The following ADGRL3 variants were observed in gnomAD, a reference collection of about 807,000 sequenced individuals.
The protein encoded by ADGRL3 is calcium-independent alpha-latrotoxin receptor 3.
ADGRL3 carries 62 observed loss-of-function variants against 153.5 expected under a neutral mutation model. The observed-to-expected ratio is 0.40, with a 90% CI of 0.33 to 0.50. The LOEUF is 0.50. ADGRL3 is among the 20% of genes least tolerant of loss of function. ADGRL3 has a pLI of 0.47. For synonymous variants in ADGRL3, 710 were observed against 672.5 expected, an observed-to-expected ratio of 1.06 and a Z score of -0.86; for missense variants, 1,641 against 1,859.4, an observed-to-expected ratio of 0.88 and a Z score of 2.16.
chr4:61,429,558 G>T (rs982209962), intron 2 of ADGRL3, among the ~76,000 whole-genome samples: 7 of 152,028 alleles, frequency 4.6e-5, no homozygotes, highest in Non-Finnish European at 7.4e-5. Context: ...TAGACTTGGA[G>T]GAAAATGATT....
At chr4:61,439,283 A>G (rs2097498614) in intron 2 of ADGRL3, among the ~76,000 whole-genome samples, 2 of 152,152 alleles carry the variant, frequency 1.3e-5, no homozygotes, top group Admixed American at 1.3e-4. Flanking sequence ...AGAAATTTTT[A>G]TAAGAGTAAA....
chr4:61,397,763 G>A (rs1455120861), intron 2 of ADGRL3, among the ~76,000 whole-genome samples: 1 of 151,948 alleles, frequency 6.6e-6, no homozygotes, highest in Admixed American at 6.6e-5. Context: ...AGGCTGCAAA[G>A]GGTATGTTGA....
intron 8 of ADGRL3, among the ~76,000 whole-genome samples, chr4:61,788,532 C>A (rs1042067765): frequency 9.2e-5 from 14 of 152,144 alleles, no homozygotes; most frequent in Non-Finnish European, 2.1e-4. Context: ...AGAATCTGAA[C>A]AGCAGCCCTT....
rs879573798 is a variant in ADGRL3 at position 61,846,946 on chromosome 4, TTATG to T, written c.1480+33059_1480+33062del. Reference sequence around the variant, plus strand: ...CAAGCCGTGAGGGATATTTTATATATTATGTGTGTGTGTGTGTGTGTGTGTATAT... The same window carrying T: ...CAAGCCGTGAGGGATATTTTATATATTGTGTGTGTGTGTGTGTGTGTATAT... On this transcript the variant is annotated intron_variant, in intron 9 of 26. Transcript: ENST00000683033. Among the ~76,000 whole-genome samples, 13 of 123,912 alleles carry T rather than the reference TTATG, an allele frequency of 1.0e-4. 1 individual carries two copies. The highest frequency in any genetic ancestry group is 6.9e-4 in the South Asian group (3 of 4,338). 81.3% of individuals were successfully genotyped at this position (123,912 alleles called of 152,430 possible).
chr4:61,214,308 A>G (rs759134671), intron 1 of ADGRL3, among the ~76,000 whole-genome samples: 1 of 152,196 alleles, frequency 6.6e-6, no homozygotes, highest in Non-Finnish European at 1.5e-5. Context: ...CCATGTGTCT[A>G]ATATTTCCAT....
rs1747129752 is a variant in ADGRL3 at position 62,076,312 on chromosome 4, C to T, written c.*5404C>T. On this transcript the variant is annotated 3_prime_UTR_variant, in exon 27 of 27. Transcript: ENST00000683033. ...TGTTCTCATTTGATAATTTGTGTCC[C>T]GTTACAGTATTTCAAAGGTAAATGC... 2.6e-5 allele frequency: 4 copies of T among 151,822 alleles called. No homozygotes were observed. The highest frequency in any genetic ancestry group is 2.1e-4 in the South Asian group (1 of 4,828). 9.4% of individuals were successfully genotyped at this position (151,822 alleles called of 1,614,324 possible). A position where few individuals can be genotyped will look rare whatever the true frequency, so the allele number is the denominator to read the frequency against.
chr4:61,210,219 G>T (rs1201028017), intron 1 of ADGRL3, among the ~76,000 whole-genome samples: 6 of 152,154 alleles, frequency 3.9e-5, no homozygotes, highest in African/African-American at 1.4e-4. Flanking sequence ...CATTGGACTG[G>T]ACAACTGGCT....
intron 5 of ADGRL3, among the ~76,000 whole-genome samples, chr4:61,618,293 GT>G: frequency 6.6e-6 from 1 of 152,142 alleles, no homozygotes; most frequent in Non-Finnish European, 1.5e-5. Context: ...ACAGATTATC[GT>G]TAATGCTTGT....
At chr4:61,433,103 A>G (rs2097395994) in intron 2 of ADGRL3, among the ~76,000 whole-genome samples, 3 of 152,282 alleles carry the variant, frequency 2.0e-5, no homozygotes, top group South Asian at 2.1e-4. Context: ...AGTATTTTAT[A>G]TGTATATTTG....
intron 2 of ADGRL3, among the ~76,000 whole-genome samples, chr4:61,475,258 C>T (rs1354906156): frequency 6.6e-6 from 1 of 152,048 alleles, no homozygotes; most frequent in East Asian, 1.9e-4. Flanking sequence ...TAAATCATGA[C>T]ATTTTAAGCA....
intron 1 of ADGRL3, among the ~76,000 whole-genome samples, chr4:61,265,998 C>T (rs900370391): frequency 1.3e-5 from 2 of 151,796 alleles, no homozygotes; most frequent in Non-Finnish European, 1.5e-5. Context: ...TTGAATTTCG[C>T]ATATTTAAGT....
intron 9 of ADGRL3, among the ~76,000 whole-genome samples, chr4:61,872,755 C>T (rs1439188327): frequency 2.0e-5 from 3 of 151,856 alleles, no homozygotes; most frequent in African/African-American, 7.3e-5. Context: ...CAATTAGCAG[C>T]ATTTAGATTT....
intron 1 of ADGRL3, among the ~76,000 whole-genome samples, chr4:61,232,715 A>C (rs1374697024): frequency 1.3e-5 from 2 of 152,174 alleles, no homozygotes; most frequent in Non-Finnish European, 2.9e-5. Context: ...GGATTAAGAC[A>C]TGTCAGGTAA....
At chr4:61,440,849 A>G (rs966057920) in intron 2 of ADGRL3, among the ~76,000 whole-genome samples, 4 of 152,176 alleles carry the variant, frequency 2.6e-5, no homozygotes, top group Non-Finnish European at 4.4e-5. Flanking sequence ...CAGAATTACA[A>G]TTAACTGTTT....
intron 1 of ADGRL3, among the ~76,000 whole-genome samples, chr4:61,329,256 T>C (rs893509859): frequency 6.6e-6 from 1 of 152,112 alleles, no homozygotes; most frequent in Non-Finnish European, 1.5e-5. Context: ...AGATTTATAA[T>C]TGAAAAAAGA....
At chr4:61,793,144 G>A (rs2097364610) in intron 8 of ADGRL3, among the ~76,000 whole-genome samples, 1 of 152,100 alleles carries the variant, frequency 6.6e-6, no homozygotes, top group African/African-American at 2.4e-5. Context: ...TCAGATCTCA[G>A]CCGGGTGTGG....
At chr4:61,611,025 G>A (rs1382080705) in intron 5 of ADGRL3, among the ~76,000 whole-genome samples, 1 of 152,078 alleles carries the variant, frequency 6.6e-6, no homozygotes, top group African/African-American at 2.4e-5. Flanking sequence ...GGACCATTCT[G>A]TGTTAGGCAG....
chr4:61,499,293 C>T (rs1382849786), intron 3 of ADGRL3, among the ~76,000 whole-genome samples: 1 of 152,172 alleles, frequency 6.6e-6, no homozygotes, highest in Non-Finnish European at 1.5e-5. Flanking sequence ...GAGTATCCTA[C>T]TTATTCAACA....
chr4:61,697,740 A>C (rs2095668134), intron 6 of ADGRL3, among the ~76,000 whole-genome samples: 1 of 152,108 alleles, frequency 6.6e-6, no homozygotes, highest in African/African-American at 2.4e-5. Context: ...CCAGTATAGG[A>C]GGTGTAAGTG....
Sources: gnomAD v4.1 joint callset for allele counts (sites outside exome capture counted in the v4.1 genomes callset) on GRCh38, gnomAD v4.1.1 for gene constraint, MANE v1.5 for transcripts, NCBI Gene and HGNC (gene_info 2026-07-23, HGNC 2026-07-21) for gene names.